NLGN4Y: variants seen among roughly 807,000 people sequenced by gnomAD.
The protein encoded by NLGN4Y is neuroligin 4 Y-linked.
Under a neutral mutation model 8.4 loss-of-function variants are expected in NLGN4Y, and 4 were observed. The ratio of observed to expected loss-of-function variants is 0.48; its 90% confidence interval spans 0.23 to 1.09. The LOEUF (loss-of-function observed/expected upper bound fraction) is 1.09, where lower values mean the gene tolerates loss of function less well. Ranked by LOEUF, NLGN4Y falls within the 50% of genes least tolerant of loss-of-function variation. The pLI is 0.19. For missense variants in NLGN4Y, 90 were observed against 192.3 expected, an observed-to-expected ratio of 0.47 and a Z score of 3.15; for synonymous variants, 35 against 75.6, an observed-to-expected ratio of 0.46 and a Z score of 2.78.
intron 2 of NLGN4Y, among the ~76,000 whole-genome samples, chrY:14,697,343 AAGAT>A (rs763145305): frequency 4.5e-3 from 144 of 31,745 alleles, no homozygotes; most frequent in African/African-American, 0.014. Context: ...GATAGATAGA[AAGAT>A]AGATAGATAG....
At chrY:14,772,013 C>T in intron 4 of NLGN4Y, among the ~76,000 whole-genome samples, 2 of 33,041 alleles carry the variant, frequency 6.1e-5, no homozygotes, top group African/African-American at 1.2e-4. Context: ...ACTAAAGAAA[C>T]AAGAGCAAGC....
intron 1 of NLGN4Y, among the ~76,000 whole-genome samples, chrY:14,583,649 C>A (rs2080327428): frequency 3.0e-5 from 1 of 33,742 alleles, no homozygotes; most frequent in Non-Finnish European, 7.3e-5. Context: ...ATTAATGAAG[C>A]TTTATTTCCT....
At chrY:14,546,095 G>A (rs9785769) in intron 1 of NLGN4Y, among the ~76,000 whole-genome samples, 4,931 of 31,907 alleles carry the variant, frequency 0.15, no homozygotes, top group African/African-American at 0.6. Context: ...GTATATATGC[G>A]GCATTATTTC....
Position 14,622,193 on chromosome Y carries a change from T to A in NLGN4Y, c.74T>A (p.Val25Asp). 2.5e-6 allele frequency: 1 copy of A among 398,835 alleles called. No homozygotes were observed. The highest frequency in any genetic ancestry group is 3.5e-6 in the Non-Finnish European group (1 of 283,433). The change falls in exon 2 of 7, where the codon GTT becomes GAT. Residue 25 changes from valine to aspartate, a missense_variant. By Grantham distance (152) the Val-to-Asp change is radical. Transcript: ENST00000684976. The stretch of plus-strand genomic sequence containing the variant: ...GTCTGTGTCATGTTAAACTCCAATG[T>A]TCTTCTGTGGATAACTGCTCTTGCC... ...TSVCVMLNSN[V>D]LLWITALAIK...
intron 4 of NLGN4Y, among the ~76,000 whole-genome samples, chrY:14,796,061 C>T (rs569270020): frequency 5.2e-4 from 17 of 32,437 alleles, no homozygotes; most frequent in Non-Finnish European, 1.1e-3. Flanking sequence ...CTGATTTTAC[C>T]ATATTAGATC....
chrY:14,649,659 T>C, intron 2 of NLGN4Y, among the ~76,000 whole-genome samples: 2 of 33,830 alleles, frequency 5.9e-5, no homozygotes, highest in African/African-American at 2.3e-4. Flanking sequence ...TTACAATAAT[T>C]ATCTGTCAAA....
chrY:14,739,867 C>G, intron 4 of NLGN4Y, among the ~76,000 whole-genome samples: 1 of 31,786 alleles, frequency 3.1e-5, no homozygotes, highest in East Asian at 8.2e-4. Context: ...GTGACATTGC[C>G]AGGTCAGCTG....
intron 1 of NLGN4Y, among the ~76,000 whole-genome samples, chrY:14,566,427 G>A (rs2080251790): frequency 3.0e-5 from 1 of 33,309 alleles, no homozygotes; most frequent in African/African-American, 1.2e-4. Flanking sequence ...GACAAAGAAG[G>A]GCATTACATA....
At chrY:14,766,734 A>G (rs2081094275) in intron 4 of NLGN4Y, among the ~76,000 whole-genome samples, 2 of 33,191 alleles carry the variant, frequency 6.0e-5, no homozygotes, top group Admixed American at 5.6e-4. Context: ...CAATTTATAT[A>G]TTATCTTATA....
Position 14,622,464 on chromosome Y carries a change from T to A in NLGN4Y, c.345T>A (p.Asp115Glu). ...CTGCTGTGTGCCCCCAGCACCTGGATGAAAGATTCTTATTGCATGACATGC... is the reference window on the plus strand; with the variant it reads ...CTGCTGTGTGCCCCCAGCACCTGGAAGAAAGATTCTTATTGCATGACATGC... ...QFSAVCPQHL[D>E]ERFLLHDMLP... Residue 115 changes from aspartate (D) to glutamate (E), a missense_variant, in exon 2 of 7, where the codon GAT (aspartate) becomes GAA (glutamate). Around this residue, in one of 4 missense-constraint regions of NLGN4Y, gnomAD observed 37 missense variants for 38.5 expected, o/e 0.96. Transcript: ENST00000684976. 2.5e-6 allele frequency: 1 copy of A among 397,532 alleles called. No homozygotes were observed. Among genetic ancestry groups the A allele is most frequent in the East Asian group, 9.3e-5 (1 of 10,780 alleles).
chrY:14,527,259 A>T, intron 1 of NLGN4Y, among the ~76,000 whole-genome samples: 1 of 34,003 alleles, frequency 2.9e-5, no homozygotes, highest in African/African-American at 1.2e-4. Flanking sequence ...TGCTGAGCGA[A>T]TATTGTGAAT....
chrY:14,638,863 T>C, intron 2 of NLGN4Y, among the ~76,000 whole-genome samples: 1 of 34,024 alleles, frequency 2.9e-5, no homozygotes, highest in Non-Finnish European at 7.3e-5. Context: ...TTGACTTGTG[T>C]TACAGTTGAA....
intron 4 of NLGN4Y, among the ~76,000 whole-genome samples, chrY:14,759,594 C>T: frequency 2.9e-5 from 1 of 34,542 alleles, no homozygotes; most frequent in Non-Finnish European, 7.3e-5. Context: ...AGGCGTGAGC[C>T]GCCGTGCACA....
chrY:14,751,558 T>G, intron 4 of NLGN4Y: 1 of 33,473 alleles, frequency 3.0e-5, no homozygotes, highest in African/African-American at 1.2e-4. Flanking sequence ...GTTTTTCTAT[T>G]AGATTGTGTG....
intron 6 of NLGN4Y, among the ~76,000 whole-genome samples, 200 bp from the exon 7 acceptor site, chrY:14,840,213 G>A: frequency 5.9e-5 from 2 of 33,633 alleles, no homozygotes; most frequent in Non-Finnish European, 1.5e-4. Flanking sequence ...AAAAATAAGA[G>A]CAATTTTTAA....
At chrY:14,632,950 T>C in intron 2 of NLGN4Y, among the ~76,000 whole-genome samples, 1 of 33,511 alleles carries the variant, frequency 3.0e-5, no homozygotes, top group Non-Finnish European at 7.3e-5. Flanking sequence ...GTATGAATTA[T>C]GCCTGTTTGA....
At position 14,830,508 on chromosome Y, in the gene NLGN4Y, C is replaced by A; in HGVS notation, c.1650C>A (p.Phe550Leu). The A allele has an allele frequency of 5.0e-6, 2 of 398,622 alleles. No homozygotes were observed. Among genetic ancestry groups the A allele is most frequent in the Non-Finnish European group, 7.1e-6 (2 of 283,355 alleles). The change falls in exon 6 of 7, where the codon TTC becomes TTA. Residue 550 changes from phenylalanine to leucine, a missense_variant. Coordinates refer to ENST00000684976, the MANE Select transcript of NLGN4Y (RefSeq NM_001365588.1). ...SAVVMTYWTN[F>L]AKTGDPNQPV... ...TGGTGATGACCTACTGGACGAACTTCGCCAAAACTGGGTACGTTCTTCTTC... is the reference window on the plus strand; with the variant it reads ...TGGTGATGACCTACTGGACGAACTTAGCCAAAACTGGGTACGTTCTTCTTC...
At chrY:14,664,065 A>T in intron 2 of NLGN4Y, among the ~76,000 whole-genome samples, 1 of 32,393 alleles carries the variant, frequency 3.1e-5, no homozygotes, top group Non-Finnish European at 7.5e-5. Context: ...TATTCATGGT[A>T]TACTTGTTTG....
intron 4 of NLGN4Y, among the ~76,000 whole-genome samples, chrY:14,761,713 A>C: frequency 2.9e-5 from 1 of 34,272 alleles, no homozygotes; most frequent in Non-Finnish European, 7.3e-5. Context: ...CAGCCTCAGC[A>C]CTACTGATAT....
Sources: allele counts gnomAD v4.1 joint callset (sites outside exome capture counted in the v4.1 genomes callset), GRCh38; gene constraint gnomAD v4.1.1; regional missense constraint gnomAD v4.1.1; transcripts MANE v1.5; gene names NCBI Gene and HGNC (gene_info 2026-07-23, HGNC 2026-07-21).